SYT7: variants seen among roughly 807,000 people sequenced by gnomAD.
SYT7 encodes synaptotagmin-7.
Under a neutral mutation model 75.1 loss-of-function variants are expected in SYT7, and 29 were observed. The observed-to-expected ratio is 0.39, with a 90% confidence interval of 0.29 to 0.53. The LOEUF (loss-of-function observed/expected upper bound fraction) is 0.53. Ranked by LOEUF, SYT7 falls within the 20% of genes least tolerant of loss-of-function variation. SYT7 has a pLI of 0.77. For missense variants in SYT7, 693 were observed against 953.2 expected, an observed-to-expected ratio of 0.73 and a Z score of 3.59; for synonymous variants, 376 against 401.7, an observed-to-expected ratio of 0.94 and a Z score of 0.76.
At chr11:61,528,657 G>C (rs963609477) in intron 8 of SYT7, among the ~76,000 whole-genome samples, 1 of 152,144 alleles carries the variant, frequency 6.6e-6, no homozygotes, top group African/African-American at 2.4e-5. Context: ...AGAGTTTACC[G>C]CAACAATTCT....
In SYT7 at chr11:61,546,207, C is replaced by A. The variant is rs1015120271; in HGVS notation, c.396G>T (p.Ala132=). 1.3e-6 allele frequency: 2 copies of A among 1,488,368 alleles called. No individual in the cohort carries two copies. The highest frequency in any genetic ancestry group is 5.2e-5 in the East Asian group (2 of 38,112). 92.2% of individuals were successfully genotyped at this position (1,488,368 alleles called of 1,614,324 possible). ...CCCCCAGCCGGCCTTCCCGCTCCAC[C>A]GCCAGCCCCGCCGCGGCGGCCACTT... ...GAKVAAAAGL[A]VEREGRLGEK... Residue 132 remains alanine, a synonymous_variant, in exon 5 of 13, where the codon GCG becomes GCT. Transcript: ENST00000539008. This position sits in a 1 kb window ranked among gnomAD's most constrained non-coding sequence, Gnocchi z 7.6.
intron 1 of SYT7, among the ~76,000 whole-genome samples, chr11:61,563,199 C>T (rs1313682427): frequency 6.6e-6 from 1 of 152,210 alleles, no homozygotes; most frequent in Non-Finnish European, 1.5e-5. Flanking sequence ...CACTTGTCTA[C>T]TCAGATTCTG....
intron 12 of SYT7, 137 bp from the exon 13 acceptor site, chr11:61,518,868 C>A (rs573487319): frequency 7.0e-5 from 37 of 527,452 alleles, no homozygotes; most frequent in Admixed American, 5.2e-4. Flanking sequence ...TGACAACCTA[C>A]CCCACAGAGG....
At chr11:61,536,280 T>C (rs1209798473) in intron 7 of SYT7, among the ~76,000 whole-genome samples, 2 of 151,830 alleles carry the variant, frequency 1.3e-5, no homozygotes, top group African/African-American at 4.8e-5. Flanking sequence ...AAACATGGAG[T>C]GAGACCTAAG....
the SYT7 span, among the ~76,000 whole-genome samples, chr11:61,586,830 T>C: frequency 2.4e-3 from 361 of 152,144 alleles, 1 homozygote; most frequent in African/African-American, 8.2e-3. Context: ...ATCCACACCT[T>C]TTCTCCCTCC....
chr11:61,538,815 C>T (rs765955066), intron 6 of SYT7, among the ~76,000 whole-genome samples: 6 of 152,308 alleles, frequency 3.9e-5, no homozygotes, highest in Non-Finnish European at 8.8e-5. Flanking sequence ...TTGAAAGTTT[C>T]GAAATCCAGT....
Position 61,546,430 on chromosome 11 carries a change from A to C in SYT7, c.348-175T>G. On this transcript the variant is annotated intron_variant, in intron 4 of 12. Coordinates refer to ENST00000539008, the MANE Select transcript of SYT7 (RefSeq NM_001365809.2). The surrounding 1 kb of genome is among the most constrained non-coding windows in gnomAD (Gnocchi z 7.6). ...GGAGAGAGACAGACGGACATGAGAC[A>C]GACAGAGAGAGAGAGAGAGACATCA... 1 of 565,292 alleles carries C rather than the reference A, an allele frequency of 1.8e-6. No homozygotes were observed. Among genetic ancestry groups the C allele is most frequent in the South Asian group, 2.1e-5 (1 of 48,570 alleles). 35.0% of individuals were successfully genotyped at this position (565,292 alleles called of 1,614,324 possible).
chr11:61,548,683 A>G (rs1266289743), intron 3 of SYT7, among the ~76,000 whole-genome samples: 1 of 152,206 alleles, frequency 6.6e-6, no homozygotes, highest in African/African-American at 2.4e-5. Flanking sequence ...CCCACCCCCC[A>G]GGATCAAGCA....
At chr11:61,529,838 T>C (rs1281408314) in intron 8 of SYT7, among the ~76,000 whole-genome samples, 2 of 152,190 alleles carry the variant, frequency 1.3e-5, no homozygotes, top group East Asian at 1.9e-4. Flanking sequence ...TTTTGCCACG[T>C]TGGTCAGGCG....
Position 61,580,700 on chromosome 11 carries a change from C to G in SYT7, c.31+90G>C, listed in dbSNP as rs1744498996. Reference sequence around the variant, plus strand: ...CCGTGCGGCTCCGGGCGGACAACAGCCCCAGGCTGGGGCTCCGAGACGGCG... The same window carrying G: ...CCGTGCGGCTCCGGGCGGACAACAGGCCCAGGCTGGGGCTCCGAGACGGCG... On this transcript the variant is annotated intron_variant, in intron 1 of 12. Coordinates refer to ENST00000539008, the MANE Select transcript of SYT7 (RefSeq NM_001365809.2). This position sits in a 1 kb window ranked among gnomAD's most constrained non-coding sequence, Gnocchi z 6.1. The G allele has an allele frequency of 1.1e-6, 1 of 917,720 alleles. No homozygotes were observed. The highest frequency in any genetic ancestry group is 4.6e-5 in the Admixed American group (1 of 21,942). 56.8% of individuals were successfully genotyped at this position (917,720 alleles called of 1,614,324 possible). A position where few individuals can be genotyped will look rare whatever the true frequency, so the allele number is the denominator to read the frequency against.
chr11:61,576,374 G>A lies in SYT7; in HGVS notation c.31+4416C>T, dbSNP rs538060438. Among the ~76,000 whole-genome samples, 1 of 152,346 alleles carries A rather than the reference G, an allele frequency of 6.6e-6. No homozygotes were observed. Among genetic ancestry groups the A allele is most frequent in the Non-Finnish European group, 1.5e-5 (1 of 68,022 alleles). ...ACAGGCTGGTGCCGGCACCTGGCCA[G>A]ACCAGTGACTGCCCCGACGAGAGAA... On this transcript the variant is annotated intron_variant, in intron 1 of 12. Transcript: ENST00000539008. This position sits in a 1 kb window ranked among gnomAD's most constrained non-coding sequence, Gnocchi z 4.1.
At chr11:61,560,603 T>A (rs1392478268) in intron 1 of SYT7, among the ~76,000 whole-genome samples, 1 of 152,130 alleles carries the variant, frequency 6.6e-6, no homozygotes, top group African/African-American at 2.4e-5. Context: ...GCATTGATGT[T>A]GTGAATAATA....
Position 61,519,907 on chromosome 11 carries a change from G to A in SYT7, c.1957-1176C>T, listed in dbSNP as rs536149624. 2.9e-3 allele frequency among the ~76,000 whole-genome samples: 441 copies of A among 152,218 alleles called. 2 individuals are homozygous for A. Among genetic ancestry groups the A allele is most frequent in the African/African-American group, 0.01 (419 of 41,530 alleles). ...ACGATCTCGACTCACTGCAACCTCC[G>A]CCTCCCAGGTTCATGTGATTTTCCT... On this transcript the variant is annotated intron_variant, in intron 12 of 12. Transcript: ENST00000539008.
At chr11:61,550,820 G>A (rs906238469) in intron 3 of SYT7, among the ~76,000 whole-genome samples, 12 of 152,332 alleles carry the variant, frequency 7.9e-5, no homozygotes, top group African/African-American at 2.9e-4. Context: ...AGGAGACCTG[G>A]GTGAGGCAGA....
chr11:61,516,989 C>T lies in SYT7; in HGVS notation c.*1638G>A, dbSNP rs1207664307. 1 of 348,046 alleles carries T rather than the reference C, an allele frequency of 2.9e-6. No individual in the cohort carries two copies. Among genetic ancestry groups the T allele is most frequent in the Non-Finnish European group, 5.1e-6 (1 of 194,626 alleles). 21.6% of individuals were successfully genotyped at this position (348,046 alleles called of 1,614,324 possible). On this transcript the variant is annotated 3_prime_UTR_variant, in exon 13 of 13. Coordinates refer to ENST00000539008, the MANE Select transcript of SYT7 (RefSeq NM_001365809.2). This position sits in a 1 kb window ranked among gnomAD's most constrained non-coding sequence, Gnocchi z 4.6. ...CCCAAATGCCAATGGTCTCCCCACG[C>T]CCTGGATGTGGGGACCCTATCCAGA...
At chr11:61,582,755 C>T (rs1170061060), upstream of SYT7, among the ~76,000 whole-genome samples, 1 of 152,122 alleles carries the variant, frequency 6.6e-6, no homozygotes, top group Non-Finnish European at 1.5e-5. Flanking sequence ...ATTCCATACA[C>T]CTCACAGCTG....
Position 61,523,151 on chromosome 11 carries a change from T to C in SYT7, c.1880A>G (p.Glu627Gly). 3.1e-6 allele frequency: 5 copies of C among 1,614,214 alleles called. No individual in the cohort carries two copies. The highest frequency in any genetic ancestry group is 4.2e-6 in the Non-Finnish European group (5 of 1,180,040). ...NESFAFDIPT[E>G]KLRETTIIIT... ...GATGATGGTCGTCTCCCTCAGCTTC[T>C]CCGTGGGGATATCGAAGGCGAAGGA... is the stretch of plus-strand genomic sequence containing the variant. The change falls in exon 12 of 13, where the codon GAG becomes GGG. Residue 627 changes from glutamate (E) to glycine (G), a missense_variant. By Grantham distance (98) the Glu-to-Gly change is moderately conservative. This residue lies in a region of SYT7 where 206 missense variants were observed against 360.0 expected (regional missense o/e 0.57). Transcript: ENST00000539008. This position sits in a 1 kb window ranked among gnomAD's most constrained non-coding sequence, Gnocchi z 5.0.
In SYT7 at chr11:61,524,589, G is replaced by A. The variant is rs538946441; in HGVS notation, c.1472-57C>T. 1.3e-5 allele frequency: 20 copies of A among 1,506,236 alleles called. No individual in the cohort carries two copies. The highest frequency in any genetic ancestry group is 1.8e-4 in the Middle Eastern group (1 of 5,586). The allele number at this position is 1,506,236 out of a possible 1,614,324, so 93.3% of individuals were successfully genotyped here. A position where few individuals can be genotyped will look rare whatever the true frequency, so the allele number is the denominator to read the frequency against. ...GGGACAGAGGGGCTGCACGGGGCCC[G>A]GGAGGCAAGGAAGGCCCTGGGAAGA... On this transcript the variant is annotated intron_variant, in intron 9 of 12. Coordinates refer to ENST00000539008, the MANE Select transcript of SYT7 (RefSeq NM_001365809.2). The surrounding 1 kb of genome is among the most constrained non-coding windows in gnomAD (Gnocchi z 4.1).
chr11:61,566,129 T>C (rs566988279), intron 1 of SYT7, among the ~76,000 whole-genome samples: 5 of 152,370 alleles, frequency 3.3e-5, no homozygotes, highest in African/African-American at 1.2e-4. Context: ...CTGCTGTCTC[T>C]TCCAGTCGAG....
Sources: allele counts gnomAD v4.1 joint callset (sites outside exome capture counted in the v4.1 genomes callset), GRCh38; gene constraint gnomAD v4.1.1; regional missense constraint gnomAD v4.1.1; non-coding constraint Gnocchi (gnomAD v3.1); transcripts MANE v1.5; gene names NCBI Gene and HGNC (gene_info 2026-07-23, HGNC 2026-07-21).